LPIN1: variants seen among roughly 807,000 people sequenced by gnomAD.
LPIN1 encodes the protein phosphatidate phosphatase LPIN1.
Under a neutral mutation model 107.5 loss-of-function variants are expected in LPIN1, and 71 were observed. The ratio of observed to expected loss-of-function variants is 0.66; its 90% CI spans 0.55 to 0.80. The LOEUF is 0.80. LPIN1 is among the 30% of genes least tolerant of loss of function. LPIN1 has a pLI of 0.00. For synonymous variants in LPIN1, 445 were observed against 452.6 expected, an observed-to-expected ratio of 0.98 and a Z score of 0.21; for missense variants, 1,043 against 1,160.6, an observed-to-expected ratio of 0.90 and a Z score of 1.47.
chr2:11,809,038 C>G (rs1679203739), intron 17 of LPIN1, among the ~76,000 whole-genome samples: 1 of 151,792 alleles, frequency 6.6e-6, no homozygotes, highest in Non-Finnish European at 1.5e-5. Context: ...CTAATTGTCA[C>G]CTTGTTCATA....
At chr2:11,694,031 A>G (rs1054606168) in intron 1 of LPIN1, among the ~76,000 whole-genome samples, 1 of 150,974 alleles carries the variant, frequency 6.6e-6, no homozygotes, top group Non-Finnish European at 1.5e-5. Flanking sequence ...GTGGGGTTTC[A>G]CCATCTTGGC....
chr2:11,727,338 C>T (rs1358340422), intron 1 of LPIN1, among the ~76,000 whole-genome samples: 4 of 152,200 alleles, frequency 2.6e-5, no homozygotes, highest in South Asian at 2.1e-4. Flanking sequence ...AAATTTATTT[C>T]GGTTCTAATC....
chr2:11,713,165 A>G (rs768358771), intron 1 of LPIN1, among the ~76,000 whole-genome samples: 13 of 152,248 alleles, frequency 8.5e-5, no homozygotes, highest in Non-Finnish European at 1.5e-4. Context: ...AGACATGAAG[A>G]TGGAGAAAGA....
intron 14 of LPIN1, among the ~76,000 whole-genome samples, chr2:11,798,786 A>G (rs1284234274): frequency 6.6e-6 from 1 of 152,210 alleles, no homozygotes; most frequent in Admixed American, 6.5e-5. Context: ...AAAAAAAAAA[A>G]AAAGGTGTCA....
In LPIN1 at chr2:11,765,089, G is replaced by T. The variant is rs1572672125; in HGVS notation, c.-9-444G>T. Among the ~76,000 whole-genome samples, 1 of 151,636 alleles carries T rather than the reference G, an allele frequency of 6.6e-6. No homozygotes were observed. On this transcript the variant is annotated intron_variant, in intron 1 of 20. Coordinates refer to ENST00000674199, the MANE Select transcript of LPIN1 (RefSeq NM_001349206.2). This position sits in a 1 kb window ranked among gnomAD's most constrained non-coding sequence, Gnocchi z 4.4. The stretch of plus-strand genomic sequence containing the variant: ...GATGGGCTGTGATGGACCCTGGTGG[G>T]CTCTGATGGTCCATGATGGGCCATG...
chr2:11,713,216 C>T (rs1478989665), intron 1 of LPIN1, among the ~76,000 whole-genome samples: 2 of 152,176 alleles, frequency 1.3e-5, no homozygotes, highest in African/African-American at 2.4e-5. Flanking sequence ...AACCTCATAA[C>T]GCACCCTATG....
At chr2:11,791,801 T>C in intron 12 of LPIN1, 113 bp from the exon 13 acceptor site, 1 of 1,516,892 alleles carries the variant, frequency 6.6e-7, no homozygotes, top group Non-Finnish European at 8.9e-7. Flanking sequence ...TTGTGTTTTC[T>C]CTGATTTTTT....
chr2:11,696,985 G>A (rs1398418468), intron 1 of LPIN1, among the ~76,000 whole-genome samples: 1 of 152,234 alleles, frequency 6.6e-6, no homozygotes, highest in Non-Finnish European at 1.5e-5. Flanking sequence ...CAGCATCTGT[G>A]GTGTGGGCCT....
At chr2:11,737,476 G>A (rs62113299) in intron 1 of LPIN1, among the ~76,000 whole-genome samples, 37,545 of 151,970 alleles carry the variant, frequency 0.25, 6,803 homozygotes, top group African/African-American at 0.51. Flanking sequence ...AATTTTTGCA[G>A]TCTACCCACC....
intron 2 of LPIN1, among the ~76,000 whole-genome samples, chr2:11,767,181 G>A (rs552516195): frequency 1.3e-5 from 2 of 152,294 alleles, no homozygotes; most frequent in South Asian, 4.1e-4. Flanking sequence ...TGTGGATTTT[G>A]GGATGATGTC....
intron 1 of LPIN1, among the ~76,000 whole-genome samples, chr2:11,693,820 A>G (rs1274169633): frequency 3.9e-5 from 1 of 25,684 alleles, no homozygotes; most frequent in Non-Finnish European, 8.4e-5. Context: ...ATATATATAT[A>G]TATTTTTTTT....
At chr2:11,775,058 TA>T (rs1481837968) in intron 5 of LPIN1, among the ~76,000 whole-genome samples, 2 of 152,206 alleles carry the variant, frequency 1.3e-5, no homozygotes, top group Non-Finnish European at 2.9e-5. Flanking sequence ...CAATCAATTT[TA>T]AAGAATTATT....
At chr2:11,738,151 C>T (rs1471792943) in intron 1 of LPIN1, among the ~76,000 whole-genome samples, 9 of 151,966 alleles carry the variant, frequency 5.9e-5, no homozygotes, top group African/African-American at 1.9e-4. Flanking sequence ...AACCAAACAC[C>T]GCATGTTCTC....
chr2:11,819,203 C>A, intron 18 of LPIN1: 1 of 389,466 alleles, frequency 2.6e-6, no homozygotes, highest in Non-Finnish European at 4.7e-6. Context: ...TGGAGATGTT[C>A]TTTTTTGTTT....
Position 11,759,616 on chromosome 2 carries a change from A to G in LPIN1, c.-9-5917A>G, listed in dbSNP as rs1019433156. On this transcript the variant is annotated intron_variant, in intron 1 of 20. Coordinates refer to ENST00000674199, the MANE Select transcript of LPIN1 (RefSeq NM_001349206.2). ...GACACAGCAACCATCTGATTTCTCT[A>G]TCTTTTCCCCACATTTCCCCCTTTT... Among the ~76,000 whole-genome samples the G allele has an allele frequency of 6.6e-5, 10 of 152,318 alleles. 1 individual carries two copies. Among genetic ancestry groups the G allele is most frequent in the African/African-American group, 2.2e-4 (9 of 41,570 alleles).
At chr2:11,748,501 G>T (rs1249185013) in intron 1 of LPIN1, among the ~76,000 whole-genome samples, 2 of 152,194 alleles carry the variant, frequency 1.3e-5, no homozygotes, top group African/African-American at 4.8e-5. Context: ...AAAATTAATT[G>T]AGATAAAAAA....
At position 11,787,167 on chromosome 2, in the gene LPIN1, A is replaced by G. The variant is rs773713628; in HGVS notation, c.1643A>G (p.Lys548Arg). The change falls in exon 11 of 21, where the codon AAA (lysine) becomes AGA (arginine). Residue 548 changes from lysine (K) to arginine (R), a missense_variant and splice_region_variant. Lys to Arg is a conservative substitution (Grantham distance 26). Transcript: ENST00000674199. The stretch of plus-strand genomic sequence containing the variant: ...AATCTCGTGGTAAAGATTGGGAGTA[A>G]GTAAGTACCTCTTGAAAGTCACTTT... ...DPNLVVKIGS[K>R]YYNWTTAAPL... 2 of 1,608,006 alleles carry G rather than the reference A, an allele frequency of 1.2e-6. No homozygotes were observed. The highest frequency in any genetic ancestry group is 2.7e-5 in the African/African-American group (2 of 74,860).
chr2:11,777,750 G>A (rs1672902958), intron 6 of LPIN1, among the ~76,000 whole-genome samples: 1 of 152,212 alleles, frequency 6.6e-6, no homozygotes, highest in South Asian at 2.1e-4. Flanking sequence ...TTTGTCTAAA[G>A]GACTTTATTT....
chr2:11,808,148 C>G (rs1313135730), intron 17 of LPIN1, among the ~76,000 whole-genome samples: 1 of 152,218 alleles, frequency 6.6e-6, no homozygotes, highest in African/African-American at 2.4e-5. Context: ...GCTCTGGTCT[C>G]TTCCCCGTCC....
Sources: allele counts gnomAD v4.1 joint callset (sites outside exome capture counted in the v4.1 genomes callset), GRCh38; gene constraint gnomAD v4.1.1; non-coding constraint Gnocchi (gnomAD v3.1); transcripts MANE v1.5; gene names NCBI Gene and HGNC (gene_info 2026-07-23, HGNC 2026-07-21).